Variants in KCNIP4 observed in about 807,000 individuals in gnomAD.
The protein encoded by KCNIP4 is Kv channel-interacting protein 4.
A neutral mutation model predicts 34.0 loss-of-function variants in KCNIP4; 12 were observed. The observed-to-expected ratio is 0.35, with a 90% confidence interval of 0.23 to 0.57. KCNIP4 has a LOEUF of 0.57. Among genes scored for constraint, KCNIP4 ranks in the 20% least tolerant of loss-of-function variants. The pLI, the probability that KCNIP4 is intolerant of heterozygous loss-of-function variation, is 0.83. For missense variants in KCNIP4, 238 were observed against 311.7 expected (o/e 0.76, Z 1.78); for synonymous variants, 124 against 102.2 (o/e 1.21, Z -1.29).
At chr4:20,811,792 T>C (rs1396257331) in intron 3 of KCNIP4, among the ~76,000 whole-genome samples, 1 of 152,146 alleles carries the variant, frequency 6.6e-6, no homozygotes, top group Non-Finnish European at 1.5e-5. Context: ...GTACAGGTAA[T>C]AAATAAGACA....
intron 1 of KCNIP4, among the ~76,000 whole-genome samples, chr4:21,680,400 G>C (rs1484993711): frequency 6.6e-6 from 1 of 152,156 alleles, no homozygotes; most frequent in Admixed American, 6.5e-5. Flanking sequence ...CTGAAGGCTT[G>C]AACCTCTCAA....
intron 1 of KCNIP4, among the ~76,000 whole-genome samples, chr4:21,096,926 A>G (rs1473192832): frequency 6.6e-6 from 1 of 152,162 alleles, no homozygotes; most frequent in Admixed American, 6.6e-5. Context: ...CCCCAAATAT[A>G]CAATTAATTT....
In KCNIP4 at chr4:21,529,413, G is replaced by A. The variant is rs1577537169; in HGVS notation, c.61+419158C>T. 2.6e-5 allele frequency among the ~76,000 whole-genome samples: 4 copies of A among 152,264 alleles called. No homozygotes were observed. The South Asian group carries it at 8.3e-4, about 32-fold the overall frequency. ...CAGTGGTTAAAGCACACTTCCTCAG[G>A]TTAAGATAAGTTCAGGAAGTGGAAA... On this transcript the variant is annotated intron_variant, in intron 1 of 8. Transcript: ENST00000382152.
chr4:21,029,947 A>T (rs931704350), intron 1 of KCNIP4, among the ~76,000 whole-genome samples: 1 of 152,206 alleles, frequency 6.6e-6, no homozygotes, highest in Non-Finnish European at 1.5e-5. Context: ...TATGTCCAAA[A>T]CACTCAATAT....
chr4:20,974,462 GAGA>G (rs926100416), intron 1 of KCNIP4, among the ~76,000 whole-genome samples: 5 of 152,148 alleles, frequency 3.3e-5, no homozygotes, highest in Non-Finnish European at 7.3e-5. Flanking sequence ...ACTTGTATAG[GAGA>G]AGGAGTTCTA....
At chr4:21,364,301 G>A (rs549495905) in intron 1 of KCNIP4, among the ~76,000 whole-genome samples, 23 of 152,234 alleles carry the variant, frequency 1.5e-4, no homozygotes, top group Admixed American at 3.3e-4. Flanking sequence ...TTTATTGAAA[G>A]CCTGTTCAGT....
intron 1 of KCNIP4, among the ~76,000 whole-genome samples, chr4:21,313,154 T>A (rs1046213323): frequency 2.0e-5 from 3 of 152,228 alleles, no homozygotes; most frequent in Non-Finnish European, 2.9e-5. Context: ...TCATGTAAGA[T>A]GCAAATAATT....
At chr4:21,191,456 C>T (rs904771623) in intron 1 of KCNIP4, among the ~76,000 whole-genome samples, 5 of 152,150 alleles carry the variant, frequency 3.3e-5, no homozygotes, top group African/African-American at 1.2e-4. Context: ...AACAAAACCG[C>T]ACACCAAGCC....
chr4:21,238,426 G>T (rs1018498221), intron 1 of KCNIP4, among the ~76,000 whole-genome samples: 1 of 152,198 alleles, frequency 6.6e-6, no homozygotes, highest in Non-Finnish European at 1.5e-5. Flanking sequence ...ATTAGGAAAA[G>T]AGGAAGTCAA....
At chr4:21,069,321 T>C (rs1227139663) in intron 1 of KCNIP4, among the ~76,000 whole-genome samples, 3 of 152,190 alleles carry the variant, frequency 2.0e-5, no homozygotes, top group African/African-American at 7.2e-5. Context: ...GGATTTTATA[T>C]TGGTCCGCTT....
At chr4:21,012,841 A>T (rs565683268) in intron 1 of KCNIP4, among the ~76,000 whole-genome samples, 1 of 152,330 alleles carries the variant, frequency 6.6e-6, no homozygotes, top group African/African-American at 2.4e-5. Context: ...GTGATGGGAT[A>T]ATGACCAGTT....
chr4:21,810,413 G>A (rs1721563563), intron 1 of KCNIP4, among the ~76,000 whole-genome samples: 1 of 152,044 alleles, frequency 6.6e-6, no homozygotes, highest in Non-Finnish European at 1.5e-5. Flanking sequence ...GAATTTGGCT[G>A]GGCGCGGTGG....
At chr4:21,118,366 G>A (rs889915002) in intron 1 of KCNIP4, among the ~76,000 whole-genome samples, 5 of 152,074 alleles carry the variant, frequency 3.3e-5, no homozygotes, top group African/African-American at 7.2e-5. Context: ...TCCAACTCAG[G>A]ATCAACCAAA....
intron 1 of KCNIP4, among the ~76,000 whole-genome samples, chr4:20,987,294 G>C (rs2149700602): frequency 6.6e-6 from 1 of 152,178 alleles, no homozygotes; most frequent in Middle Eastern, 3.4e-3. Flanking sequence ...GCAGTAACTT[G>C]CTAGCCCCAA....
chr4:21,225,061 G>A (rs1192655314), intron 1 of KCNIP4, among the ~76,000 whole-genome samples: 1 of 152,162 alleles, frequency 6.6e-6, no homozygotes, highest in Non-Finnish European at 1.5e-5. Flanking sequence ...GGTAGGCTAT[G>A]TTAAGCTATG....
chr4:20,857,206 C>T (rs1453902806), intron 2 of KCNIP4, among the ~76,000 whole-genome samples: 1 of 152,076 alleles, frequency 6.6e-6, no homozygotes, highest in Non-Finnish European at 1.5e-5. Context: ...CATCAGCAAT[C>T]ACCAGCATAT....
At chr4:21,216,725 G>A (rs1757606591) in intron 1 of KCNIP4, among the ~76,000 whole-genome samples, 1 of 152,136 alleles carries the variant, frequency 6.6e-6, no homozygotes, top group African/African-American at 2.4e-5. Context: ...CTATCTAGTG[G>A]TGGAAGATAA....
chr4:21,883,538 G>T (rs552473339), intron 1 of KCNIP4, among the ~76,000 whole-genome samples: 4 of 152,062 alleles, frequency 2.6e-5, no homozygotes, highest in Admixed American at 6.5e-5. Context: ...TTAGATACAC[G>T]TCATGTGTGA....
chr4:21,533,233 C>T (rs544840549), intron 1 of KCNIP4, among the ~76,000 whole-genome samples: 4 of 152,122 alleles, frequency 2.6e-5, no homozygotes, highest in African/African-American at 7.2e-5. Context: ...CTCACTTAAA[C>T]TGTTAGAATT....
Sources: allele counts gnomAD v4.1 joint callset (sites outside exome capture counted in the v4.1 genomes callset), GRCh38; gene constraint gnomAD v4.1.1; transcripts MANE v1.5; gene names NCBI Gene and HGNC (gene_info 2026-07-23, HGNC 2026-07-21).